The following SH2D4B variants were observed in gnomAD, a reference collection of about 807,000 sequenced individuals.
The protein encoded by SH2D4B is SH2 domain containing 4B.
SH2D4B carries 45 observed loss-of-function variants against 61.5 expected under a neutral mutation model. The ratio of observed to expected loss-of-function variants is 0.73; its 90% CI spans 0.58 to 0.94. The LOEUF (loss-of-function observed/expected upper bound fraction) is 0.94, where lower values mean the gene tolerates loss of function less well. Among genes scored for constraint, SH2D4B ranks in the 40% least tolerant of loss-of-function variants. The pLI, the probability that SH2D4B is intolerant of heterozygous loss-of-function variation, is 0.00. For missense variants in SH2D4B, 572 were observed against 574.2 expected (o/e 1.00, Z 0.04); for synonymous variants, 224 against 220.4 (o/e 1.02, Z -0.14).
rs769592236 is a variant in SH2D4B at position 80,603,717 on chromosome 10, A to G, written c.782A>G (p.Gln261Arg). The G allele has an allele frequency of 5.6e-6, 9 of 1,613,352 alleles. No individual in the cohort carries two copies. The highest frequency in any genetic ancestry group is 5.9e-6 in the Non-Finnish European group (7 of 1,179,896). Residue 261 changes from glutamine (Q) to arginine (R), a missense_variant, in exon 5 of 8, where the codon CAG becomes CGG. Physicochemically the swap from Gln to Arg is conservative, Grantham distance 43. Transcript: ENST00000646907. Reference sequence around the variant, plus strand: ...AGCTCCATGTTCCGGGAGCTTGGCCAGAGCCATGAGCAGGAGGCAAGACTC... The same window carrying G: ...AGCTCCATGTTCCGGGAGCTTGGCCGGAGCCATGAGCAGGAGGCAAGACTC... ...GLSSMFRELG[Q>R]SHEQEARLYH...
chr10:80,609,278 C>A, intron 5 of SH2D4B, 146 bp from the exon 6 acceptor site: 1 of 705,904 alleles, frequency 1.4e-6, no homozygotes, highest in South Asian at 1.9e-5. Flanking sequence ...CTCTCATGGC[C>A]CTCCCCTGCC....
In SH2D4B at chr10:80,538,999, C is replaced by T. The variant is rs532773661; in HGVS notation, c.184+484C>T. Among the ~76,000 whole-genome samples, 9 of 152,356 alleles carry T rather than the reference C, an allele frequency of 5.9e-5. No homozygotes were observed. Among genetic ancestry groups the T allele is most frequent in the South Asian group, 2.1e-4 (1 of 4,832 alleles). On this transcript the variant is annotated intron_variant, in intron 1 of 7. Coordinates refer to ENST00000646907, the MANE Select transcript of SH2D4B (RefSeq NM_001388272.1). The surrounding 1 kb of genome is among the most constrained non-coding windows in gnomAD (Gnocchi z 4.8). ...ACTGTGCCTCTCCCTCCAGATCCTCCGGCAGGAGGATGCTGTGGGTTGTCT... is the reference window on the plus strand; with the variant it reads ...ACTGTGCCTCTCCCTCCAGATCCTCTGGCAGGAGGATGCTGTGGGTTGTCT...
intron 7 of SH2D4B, among the ~76,000 whole-genome samples, chr10:80,640,694 C>CT (rs1468309877): frequency 6.6e-6 from 1 of 152,092 alleles, no homozygotes; most frequent in Non-Finnish European, 1.5e-5. Context: ...TTTGTCTAAT[C>CT]TTTTTTCAAG....
chr10:80,628,388 G>A (rs12779649), intron 6 of SH2D4B, among the ~76,000 whole-genome samples: 38,909 of 152,076 alleles, frequency 0.26, 5,244 homozygotes, highest in Admixed American at 0.32. Context: ...TTTGCCTGCT[G>A]CCATCCACGT....
At chr10:80,643,949 C>T in intron 7 of SH2D4B, 44 bp from the exon 8 acceptor site, 1 of 1,495,736 alleles carries the variant, frequency 6.7e-7, no homozygotes. Flanking sequence ...TGTGTATTTC[C>T]CTGTCTTGAT....
At chr10:80,578,706 G>C (rs1343043582) in intron 3 of SH2D4B, among the ~76,000 whole-genome samples, 1 of 152,166 alleles carries the variant, frequency 6.6e-6, no homozygotes, top group African/African-American at 2.4e-5. Flanking sequence ...ATACAAAGAA[G>C]GATGTGGTCA....
chr10:80,579,173 G>C (rs1457323676), intron 3 of SH2D4B, among the ~76,000 whole-genome samples: 1 of 152,082 alleles, frequency 6.6e-6, no homozygotes. Flanking sequence ...CTCACTTTCT[G>C]CAGCTCATGT....
intron 1 of SH2D4B, among the ~76,000 whole-genome samples, chr10:80,547,516 A>G (rs1038627870): frequency 3.3e-5 from 5 of 152,128 alleles, no homozygotes; most frequent in African/African-American, 9.7e-5. Context: ...TGTTGTTCAC[A>G]ACCCCTTTCC....
At chr10:80,639,903 G>A (rs1306557073) in intron 7 of SH2D4B, among the ~76,000 whole-genome samples, 3 of 152,164 alleles carry the variant, frequency 2.0e-5, no homozygotes, top group African/African-American at 4.8e-5. Context: ...TATAATTAGG[G>A]ATGTTTTTGC....
At chr10:80,553,419 G>T (rs1223109734) in intron 1 of SH2D4B, among the ~76,000 whole-genome samples, 1 of 152,202 alleles carries the variant, frequency 6.6e-6, no homozygotes, top group Non-Finnish European at 1.5e-5. Context: ...TGACAGCAGG[G>T]TCTGGGCTCC....
At chr10:80,594,882 T>A (rs1842369197) in intron 4 of SH2D4B, among the ~76,000 whole-genome samples, 1 of 152,174 alleles carries the variant, frequency 6.6e-6, no homozygotes, top group East Asian at 1.9e-4. Context: ...CACCCAGAAC[T>A]TCTGGGACAA....
In SH2D4B at chr10:80,646,045, C is replaced by T. The variant is rs1240072275; in HGVS notation, c.*1960C>T. The stretch of plus-strand genomic sequence containing the variant: ...TCCAAGTCATTTAACTTCAGTAAAC[C>T]TCGGTATGACTGAAAAGGGAGTTTT... On this transcript the variant is annotated 3_prime_UTR_variant, in exon 8 of 8. Transcript: ENST00000646907. The T allele has an allele frequency of 1.3e-5, 2 of 152,558 alleles. No homozygotes were observed. The highest frequency in any genetic ancestry group is 2.4e-5 in the African/African-American group (1 of 41,442). The allele number at this position is 152,558 out of a possible 1,614,324, so 9.5% of individuals were successfully genotyped here. A position where few individuals can be genotyped will look rare whatever the true frequency, so the allele number is the denominator to read the frequency against.
At chr10:80,632,523 G>C (rs1262641253) in intron 6 of SH2D4B, among the ~76,000 whole-genome samples, 1 of 152,082 alleles carries the variant, frequency 6.6e-6, no homozygotes, top group Non-Finnish European at 1.5e-5. Context: ...TCCAACCCTA[G>C]CCCCGCTACC....
At chr10:80,643,304 G>A (rs1246052987) in intron 7 of SH2D4B, among the ~76,000 whole-genome samples, 6 of 148,454 alleles carry the variant, frequency 4.0e-5, no homozygotes, top group Non-Finnish European at 5.9e-5. Flanking sequence ...TTCTTATTCC[G>A]CTGAGGAGAG....
At chr10:80,609,313 T>A in intron 5 of SH2D4B, 111 bp from the exon 6 acceptor site, 64 of 451,662 alleles carry the variant, frequency 1.4e-4, no homozygotes, top group Middle Eastern at 8.3e-4. Context: ...CCCTTCCTCC[T>A]CCTCCTTTTA....
rs541528410 is a variant in SH2D4B, at chr10:80,636,044, C to T, written c.1209+1539C>T. On this transcript the variant is annotated intron_variant, in intron 7 of 7. Transcript: ENST00000646907. ...CTTCCCACCTATGAGTGAGAACATG[C>T]GGTGTTTGGTTTTCTGTCCTTGTGA... is the stretch of plus-strand genomic sequence containing the variant. 3.9e-5 allele frequency among the ~76,000 whole-genome samples: 6 copies of T among 152,242 alleles called. No individual in the cohort carries two copies. The East Asian group carries it at 7.7e-4, about 20-fold the overall frequency.
At chr10:80,594,171 A>G (rs143550948) in intron 4 of SH2D4B, among the ~76,000 whole-genome samples, 237 of 152,178 alleles carry the variant, frequency 1.6e-3, no homozygotes, top group Admixed American at 3.7e-3. Context: ...ATGCTTTCTT[A>G]GATTGTTGGG....
intron 4 of SH2D4B, among the ~76,000 whole-genome samples, chr10:80,598,635 CA>C (rs1842412385): frequency 6.6e-6 from 1 of 151,996 alleles, no homozygotes; most frequent in Non-Finnish European, 1.5e-5. Context: ...TTAAATTTTC[CA>C]AGTTAGAAAA....
chr10:80,546,008 C>T (rs1420879146), intron 1 of SH2D4B, among the ~76,000 whole-genome samples: 3 of 148,698 alleles, frequency 2.0e-5, no homozygotes, highest in Admixed American at 1.3e-4. Context: ...CTTTCTCTCT[C>T]TCTTTCTTTC....
Sources: gnomAD v4.1 joint callset for allele counts (sites outside exome capture counted in the v4.1 genomes callset) on GRCh38, gnomAD v4.1.1 for gene constraint, Gnocchi (gnomAD v3.1) non-coding constraint, MANE v1.5 for transcripts, NCBI Gene and HGNC (gene_info 2026-07-23, HGNC 2026-07-21) for gene names.